HIVEP3: variants seen among roughly 807,000 people sequenced by gnomAD.
HIVEP3 encodes the protein HIVEP zinc finger 3.
A neutral mutation model predicts 152.8 loss-of-function variants in HIVEP3; 49 were observed. That is an observed-to-expected ratio of 0.32 (90% CI 0.26 to 0.41). The LOEUF (loss-of-function observed/expected upper bound fraction) is 0.41, where lower values mean the gene tolerates loss of function less well. Among genes scored for constraint, HIVEP3 ranks in the 10% least tolerant of loss-of-function variants. HIVEP3 has a pLI of 1.00. For missense variants in HIVEP3, 2,790 were observed against 3,103.3 expected (o/e 0.90, Z 2.40); for synonymous variants, 1,269 against 1,289.0 (o/e 0.98, Z 0.33).
At chr1:41,520,488 G>A (rs564979323) in intron 6 of HIVEP3, among the ~76,000 whole-genome samples, 1 of 152,300 alleles carries the variant, frequency 6.6e-6, no homozygotes, top group South Asian at 2.1e-4. Flanking sequence ...GTCATGAGAA[G>A]GCAAAGCCAG....
At chr1:41,643,349 T>G (rs1049678934) in intron 2 of HIVEP3, among the ~76,000 whole-genome samples, 1 of 152,228 alleles carries the variant, frequency 6.6e-6, no homozygotes, top group Non-Finnish European at 1.5e-5. Flanking sequence ...TTTATTCCCC[T>G]GCACACGGGT....
intron 2 of HIVEP3, among the ~76,000 whole-genome samples, chr1:41,668,638 C>T (rs1000609217): frequency 1.3e-5 from 2 of 152,214 alleles, no homozygotes; most frequent in African/African-American, 4.8e-5. Flanking sequence ...CCTCCTATCC[C>T]CCATCCACCC....
chr1:41,882,210 A>G (rs1233935009), intron 1 of HIVEP3, among the ~76,000 whole-genome samples: 1 of 152,240 alleles, frequency 6.6e-6, no homozygotes, highest in Non-Finnish European at 1.5e-5. Flanking sequence ...GATCAGCCAG[A>G]GAAACCAAAT....
chr1:41,874,710 A>G (rs2764836), intron 1 of HIVEP3, among the ~76,000 whole-genome samples: 119,555 of 152,130 alleles, frequency 0.79, 47,335 homozygotes, highest in East Asian at 1. Context: ...AACAGCTGGA[A>G]GGAACTGTGG....
At chr1:41,759,455 G>C (rs1295880797) in intron 1 of HIVEP3, among the ~76,000 whole-genome samples, 1 of 152,062 alleles carries the variant, frequency 6.6e-6, no homozygotes, top group Non-Finnish European at 1.5e-5. Context: ...TCCACCTTTT[G>C]GCTATTGTGA....
At chr1:41,901,664 G>A (rs530071789) in intron 1 of HIVEP3, among the ~76,000 whole-genome samples, 1 of 152,286 alleles carries the variant, frequency 6.6e-6, no homozygotes, top group South Asian at 2.1e-4. Context: ...CAATGTCACT[G>A]GCATTTATTA....
At position 41,580,339 on chromosome 1, in the gene HIVEP3, C is replaced by T; in HGVS notation, c.4459G>A (p.Gly1487Ser). 1 of 1,614,190 alleles carries T rather than the reference C, an allele frequency of 6.2e-7. No homozygotes were observed. Among genetic ancestry groups the T allele is most frequent in the East Asian group, 2.2e-5 (1 of 44,878 alleles). ...DGKRPEKSHL[G>S]NQGQGRRELE... Reference sequence around the variant, plus strand: ...TCCCTCCTGCCTTGGCCCTGGTTGCCTAAGTGGGATTTCTCTGGCCTCTTC... The same window carrying T: ...TCCCTCCTGCCTTGGCCCTGGTTGCTTAAGTGGGATTTCTCTGGCCTCTTC... Residue 1487 changes from glycine (G) to serine (S), a missense_variant, in exon 4 of 9, where the codon GGC (glycine) becomes AGC (serine). By Grantham distance (56) the Gly-to-Ser change is moderately conservative (BLOSUM62 0). Transcript: ENST00000372583.
intron 7 of HIVEP3, among the ~76,000 whole-genome samples, chr1:41,517,770 T>C (rs1260743439): frequency 2.6e-5 from 4 of 152,196 alleles, no homozygotes; most frequent in Non-Finnish European, 2.9e-5. Context: ...CCCTGTCTTC[T>C]CAGAGACTGA....
At chr1:41,672,316 A>C (rs1035924711) in intron 2 of HIVEP3, among the ~76,000 whole-genome samples, 1 of 152,058 alleles carries the variant, frequency 6.6e-6, no homozygotes, top group Non-Finnish European at 1.5e-5. Context: ...CATCAGGCCC[A>C]TCACCTCCCA....
intron 2 of HIVEP3, among the ~76,000 whole-genome samples, chr1:41,636,017 A>G (rs1645268104): frequency 6.6e-6 from 1 of 152,240 alleles, no homozygotes; most frequent in South Asian, 2.1e-4. Context: ...CACTAGGACA[A>G]CTGGCTGGCT....
At chr1:41,865,721 T>C (rs1468933659) in intron 1 of HIVEP3, 2 of 152,004 alleles carry the variant, frequency 1.3e-5, no homozygotes, top group Non-Finnish European at 2.9e-5. Context: ...CAAGAGTTTA[T>C]AGGAACTTAT....
At chr1:41,902,925 C>T (rs1644650048) in intron 1 of HIVEP3, among the ~76,000 whole-genome samples, 1 of 152,178 alleles carries the variant, frequency 6.6e-6, no homozygotes, top group Admixed American at 6.5e-5. Context: ...GAACGTAGCA[C>T]AGCTACTAAA....
chr1:41,633,924 C>G (rs1645233079), intron 2 of HIVEP3, among the ~76,000 whole-genome samples: 1 of 152,120 alleles, frequency 6.6e-6, no homozygotes, highest in Non-Finnish European at 1.5e-5. Context: ...ATCTGGGGAG[C>G]TGGCATTTGA....
intron 3 of HIVEP3, among the ~76,000 whole-genome samples, chr1:41,616,390 G>A (rs751406685): frequency 4.6e-5 from 7 of 152,116 alleles, no homozygotes; most frequent in East Asian, 1.9e-4. Flanking sequence ...AGACTATCCC[G>A]TTCAGTTAAA....
intron 1 of HIVEP3, among the ~76,000 whole-genome samples, chr1:42,015,969 T>TA (rs1166085462): frequency 2.0e-5 from 3 of 152,162 alleles, no homozygotes; most frequent in East Asian, 3.9e-4. Context: ...ATCAAATAAT[T>TA]AGACACTGTA....
At chr1:41,890,358 C>T (rs1256368256) in intron 1 of HIVEP3, among the ~76,000 whole-genome samples, 7 of 152,066 alleles carry the variant, frequency 4.6e-5, no homozygotes, top group Non-Finnish European at 7.4e-5. Context: ...AAAAGATGCT[C>T]GGGGCACAAA....
At chr1:42,034,735 T>A (rs898283288) in intron 1 of HIVEP3, among the ~76,000 whole-genome samples, 5 of 152,164 alleles carry the variant, frequency 3.3e-5, no homozygotes, top group African/African-American at 1.2e-4. Context: ...AGCAGACAAG[T>A]ATCCAAACTT....
chr1:41,896,577 CTT>C (rs35154367), intron 1 of HIVEP3, among the ~76,000 whole-genome samples: 8,039 of 141,222 alleles, frequency 0.057, 224 homozygotes, highest in South Asian at 0.094. Flanking sequence ...CTTTTCTTTT[CTT>C]TTTTTTTTTT....
At chr1:41,813,671 G>C (rs1300529806) in intron 1 of HIVEP3, among the ~76,000 whole-genome samples, 1 of 152,222 alleles carries the variant, frequency 6.6e-6, no homozygotes, top group Non-Finnish European at 1.5e-5. Flanking sequence ...GAGGGACCAT[G>C]CAGTGCTCTC....
Sources: gnomAD v4.1 joint callset for allele counts (sites outside exome capture counted in the v4.1 genomes callset) on GRCh38, gnomAD v4.1.1 for gene constraint, MANE v1.5 for transcripts, NCBI Gene and HGNC (gene_info 2026-07-23, HGNC 2026-07-21) for gene names.